Variants in PAPSS1 observed in about 807,000 individuals in gnomAD.
PAPSS1 encodes bifunctional 3'-phosphoadenosine 5'-phosphosulfate synthase 1.
In PAPSS1, 50 loss-of-function variants were observed where a neutral mutation model predicts 72.0. That is an observed-to-expected ratio of 0.69 (90% CI 0.55 to 0.88). The LOEUF (loss-of-function observed/expected upper bound fraction) is 0.88. Among genes scored for constraint, PAPSS1 ranks in the 40% least tolerant of loss-of-function variants. The probability of loss-of-function intolerance (pLI) is 0.00; values close to 1 mark genes in which losing one functional copy is unlikely to be tolerated. For synonymous variants in PAPSS1, 261 were observed against 263.6 expected (o/e 0.99, Z 0.09); for missense variants, 657 against 782.2 (o/e 0.84, Z 1.91).
At chr4:107,702,869 A>T (rs1201044798) in intron 1 of PAPSS1, among the ~76,000 whole-genome samples, 2 of 152,086 alleles carry the variant, frequency 1.3e-5, no homozygotes, top group African/African-American at 4.8e-5. Flanking sequence ...TTCATTATAC[A>T]CCTAGTAGTG....
At chr4:107,710,319 T>C (rs1723455825) in intron 1 of PAPSS1, among the ~76,000 whole-genome samples, 1 of 152,194 alleles carries the variant, frequency 6.6e-6, no homozygotes, top group Non-Finnish European at 1.5e-5. Context: ...TAGAAAAATA[T>C]ATATATATGT....
At chr4:107,674,329 T>A (rs1255740108) in intron 5 of PAPSS1, among the ~76,000 whole-genome samples, 1 of 152,020 alleles carries the variant, frequency 6.6e-6, no homozygotes, top group Admixed American at 6.6e-5. Context: ...AATAAAGGGA[T>A]GGAGGAAGAT....
chr4:107,708,239 C>T lies in PAPSS1; in HGVS notation c.61-6954G>A, dbSNP rs2125940163. Reference sequence around the variant, plus strand: ...CAATAAACTGATGAAGCAAATACAACTTACCAGCTCTACATTTCCAAGAAC... The same window carrying T: ...CAATAAACTGATGAAGCAAATACAATTTACCAGCTCTACATTTCCAAGAAC... On this transcript the variant is annotated intron_variant, in intron 1 of 11. Coordinates refer to ENST00000265174, the MANE Select transcript of PAPSS1 (RefSeq NM_005443.5). 1.3e-5 allele frequency among the ~76,000 whole-genome samples: 2 copies of T among 152,270 alleles called. 1 individual carries two copies. Among genetic ancestry groups the T allele is most frequent in the South Asian group, 4.1e-4 (2 of 4,828 alleles).
At chr4:107,634,822 T>C (rs994282332) in intron 10 of PAPSS1, among the ~76,000 whole-genome samples, 2 of 123,902 alleles carry the variant, frequency 1.6e-5, no homozygotes, top group Non-Finnish European at 3.4e-5. Context: ...TTTTTTGAGA[T>C]GGAGTCTCGC....
At chr4:107,681,947 T>G (rs1722626466) in intron 5 of PAPSS1, 68 bp downstream of exon 5, 1 of 777,634 alleles carries the variant, frequency 1.3e-6, no homozygotes, top group Admixed American at 2.4e-5. Flanking sequence ...CCATTTTTTT[T>G]TGGAGGGGAA....
chr4:107,701,375 A>C, intron 1 of PAPSS1, 90 bp from the exon 2 acceptor site: 1 of 797,536 alleles, frequency 1.3e-6, no homozygotes, highest in Non-Finnish European at 2.1e-6. Flanking sequence ...AAGTCTATGT[A>C]ACATGCCAAA....
intron 1 of PAPSS1, among the ~76,000 whole-genome samples, chr4:107,706,484 G>A (rs1329566113): frequency 1.3e-5 from 2 of 151,802 alleles, no homozygotes; most frequent in Admixed American, 6.6e-5. Flanking sequence ...ATTTCAATCT[G>A]TTAAATTTCT....
Position 107,663,988 on chromosome 4 carries a change from T to TA in PAPSS1, c.670-3917dup, listed in dbSNP as rs538852149. ...GCGTTGGTAAGGTTCTAGAGAAAAA[T>TA]AAAAGATATTCAGCATTTCAGTTGA... On this transcript the variant is annotated intron_variant, in intron 5 of 11. Transcript: ENST00000265174. Among the ~76,000 whole-genome samples the TA allele has an allele frequency of 1.2e-4, 19 of 152,254 alleles. No individual in the cohort carries two copies. The South Asian group carries it at 3.7e-3, about 30-fold the overall frequency.
In PAPSS1 at chr4:107,681,975, T is replaced by G. The variant is rs767186780; in HGVS notation, c.669+40A>C. 4.0e-5 allele frequency: 39 copies of G among 983,124 alleles called. 1 individual carries two copies. In the East Asian group the frequency reaches 9.5e-4, roughly 24 times the overall value. 60.9% of individuals were successfully genotyped at this position (983,124 alleles called of 1,614,324 possible). The stretch of plus-strand genomic sequence containing the variant: ...GAGGGGAAAGATTATGAGAGAGATA[T>G]AATTTTTCTCTGATGATTCCTTCTT... On this transcript the variant is annotated intron_variant, in intron 5 of 11. Transcript: ENST00000265174.
intron 10 of PAPSS1, among the ~76,000 whole-genome samples, chr4:107,633,430 CT>C (rs938806155): frequency 6.6e-6 from 1 of 152,120 alleles, no homozygotes; most frequent in African/African-American, 2.4e-5. Context: ...TAATGATTAC[CT>C]TGATTTTTTT....
chr4:107,668,152 T>C (rs1270166137), intron 5 of PAPSS1, among the ~76,000 whole-genome samples: 1 of 152,072 alleles, frequency 6.6e-6, no homozygotes, highest in Non-Finnish European at 1.5e-5. Context: ...AAACATTGAG[T>C]GTGTAGGCTG....
In PAPSS1 at chr4:107,653,654, G is replaced by A. The variant is rs1726918771; in HGVS notation, c.1102-28C>T. The A allele has an allele frequency of 3.8e-6, 6 of 1,598,820 alleles. No individual in the cohort carries two copies. In the Admixed American group the frequency reaches 5.1e-5, roughly 14 times the overall value. On this transcript the variant is annotated intron_variant, in intron 8 of 11. Transcript: ENST00000265174. ...AATAGGAAAAACAAATTTTTTTAAT[G>A]GAAACCGAGATCAAAATAAGTAAAA...
At chr4:107,691,759 A>G (rs1722924225) in intron 3 of PAPSS1, among the ~76,000 whole-genome samples, 1 of 152,202 alleles carries the variant, frequency 6.6e-6, no homozygotes, top group South Asian at 2.1e-4. Flanking sequence ...GAATTACTTG[A>G]GTTAATTCAC....
intron 10 of PAPSS1, among the ~76,000 whole-genome samples, chr4:107,636,326 T>A (rs1726380776): frequency 6.6e-6 from 1 of 152,132 alleles, no homozygotes; most frequent in Non-Finnish European, 1.5e-5. Flanking sequence ...AGAAGGTATT[T>A]ATAATATAGG....
chr4:107,643,222 T>C (rs1726599870), intron 10 of PAPSS1, among the ~76,000 whole-genome samples: 1 of 152,330 alleles, frequency 6.6e-6, no homozygotes, highest in East Asian at 1.9e-4. Flanking sequence ...CTGGATTTAA[T>C]GCTGTGATGC....
At chr4:107,661,954 T>C (rs1313578968) in intron 5 of PAPSS1, among the ~76,000 whole-genome samples, 1 of 152,190 alleles carries the variant, frequency 6.6e-6, no homozygotes, top group Non-Finnish European at 1.5e-5. Flanking sequence ...ACACCCTGTT[T>C]CCTCAAAGAT....
At chr4:107,711,862 T>A (rs893526946) in intron 1 of PAPSS1, among the ~76,000 whole-genome samples, 4 of 152,222 alleles carry the variant, frequency 2.6e-5, no homozygotes, top group African/African-American at 9.7e-5. Context: ...CAAGTGAAGA[T>A]CATACATCCC....
At chr4:107,646,896 T>C (rs1726710081) in intron 9 of PAPSS1, among the ~76,000 whole-genome samples, 1 of 152,202 alleles carries the variant, frequency 6.6e-6, no homozygotes, top group African/African-American at 2.4e-5. Flanking sequence ...TTTCCCTTCT[T>C]GCCCTGTCCT....
chr4:107,672,357 C>A (rs959678479), intron 5 of PAPSS1, among the ~76,000 whole-genome samples: 1 of 152,238 alleles, frequency 6.6e-6, no homozygotes, highest in South Asian at 2.1e-4. Flanking sequence ...AAAATCAGGT[C>A]ACTCCCACCC....
Sources: allele counts gnomAD v4.1 joint callset (sites outside exome capture counted in the v4.1 genomes callset), GRCh38; gene constraint gnomAD v4.1.1; transcripts MANE v1.5; gene names NCBI Gene and HGNC (gene_info 2026-07-23, HGNC 2026-07-21).